MSI2: variants seen among roughly 807,000 people sequenced by gnomAD.
MSI2 encodes musashi RNA binding protein 2, also known as RNA-binding protein Musashi homolog 2.
Under a neutral mutation model 45.6 loss-of-function variants are expected in MSI2, and 17 were observed. The observed-to-expected ratio is 0.37, with a 90% confidence interval of 0.26 to 0.56. The LOEUF is 0.56. Among genes scored for constraint, MSI2 ranks in the 20% least tolerant of loss-of-function variants. The pLI is 0.77. For synonymous variants in MSI2, 156 were observed against 158.2 expected (o/e 0.99, Z 0.11); for missense variants, 293 against 444.2 (o/e 0.66, Z 3.06).
chr17:57,616,772 A>G (rs576938179), intron 9 of MSI2: 1 of 152,330 alleles, frequency 6.6e-6, no homozygotes, highest in African/African-American at 2.4e-5. Context: ...ATAATTGAAA[A>G]TCTTACCGCT....
chr17:57,389,119 C>T (rs1364200725), intron 5 of MSI2, among the ~76,000 whole-genome samples: 2 of 149,420 alleles, frequency 1.3e-5, no homozygotes, highest in African/African-American at 4.9e-5. Context: ...GCTGGGACCA[C>T]GGGCATGTGC....
intron 6 of MSI2, among the ~76,000 whole-genome samples, chr17:57,474,976 C>T (rs2085510602): frequency 6.6e-6 from 1 of 152,230 alleles, no homozygotes. Context: ...CCTGCCTCGG[C>T]ATCCCAAAGT....
rs115330343 is a variant in MSI2 at position 57,408,387 on chromosome 17, G to A, written c.405+6916G>A. Among the ~76,000 whole-genome samples, 365 of 152,354 alleles carry A rather than the reference G, an allele frequency of 2.4e-3. 3 individuals are homozygous for A. Among genetic ancestry groups the A allele is most frequent in the African/African-American group, 8.4e-3 (348 of 41,580 alleles). On this transcript the variant is annotated intron_variant, in intron 6 of 13. Coordinates refer to ENST00000284073, the MANE Select transcript of MSI2 (RefSeq NM_138962.4). ...AGCAAGCTGGGAAAACTTTGAGATT[G>A]TGCTAATCAAATGCCATGTGCATTT...
At chr17:57,697,297 T>A in the MSI2 span, among the ~76,000 whole-genome samples, 1 of 151,222 alleles carries the variant, frequency 6.6e-6, no homozygotes, top group Non-Finnish European at 1.5e-5. Context: ...CTCTACACAC[T>A]CACATGGACC....
chr17:57,299,456 C>G (rs1041165244), intron 5 of MSI2, among the ~76,000 whole-genome samples: 1 of 152,096 alleles, frequency 6.6e-6, no homozygotes, highest in Non-Finnish European at 1.5e-5. Flanking sequence ...CACGTGAACA[C>G]ATAGAGGCCA....
At chr17:57,324,891 G>A (rs1913654992) in intron 5 of MSI2, among the ~76,000 whole-genome samples, 1 of 152,206 alleles carries the variant, frequency 6.6e-6, no homozygotes, top group East Asian at 1.9e-4. Flanking sequence ...GCTGAACTTT[G>A]CCAACCTGCT....
At chr17:57,506,327 C>T (rs2143905830) in intron 6 of MSI2, among the ~76,000 whole-genome samples, 1 of 152,300 alleles carries the variant, frequency 6.6e-6, no homozygotes, top group South Asian at 2.1e-4. Context: ...GTCTAAAGGA[C>T]TCGGGGAAAA....
intron 5 of MSI2, among the ~76,000 whole-genome samples, chr17:57,309,289 C>G (rs1347007698): frequency 6.6e-6 from 1 of 152,104 alleles, no homozygotes; most frequent in Non-Finnish European, 1.5e-5. Flanking sequence ...TCTGTCTTAC[C>G]CATGAGCTGG....
rs138728146 is a variant in MSI2 at position 57,562,172 on chromosome 17, A to G, written c.454+32448A>G. Among the ~76,000 whole-genome samples, 779 of 152,234 alleles carry G rather than the reference A, an allele frequency of 5.1e-3. 4 individuals carry two copies. The highest frequency in any genetic ancestry group is 0.018 in the African/African-American group (729 of 41,530). On this transcript the variant is annotated intron_variant, in intron 7 of 13. Transcript: ENST00000284073. ...CCCGTTCATCCATCCATCCCCATCCATCTGCCCATCCATCCATCCTTATAT... is the reference window on the plus strand; with the variant it reads ...CCCGTTCATCCATCCATCCCCATCCGTCTGCCCATCCATCCATCCTTATAT...
intron 6 of MSI2, among the ~76,000 whole-genome samples, chr17:57,451,544 C>T (rs2085019468): frequency 6.6e-6 from 1 of 152,228 alleles, no homozygotes. Flanking sequence ...CAGTGAGACT[C>T]TCCATCCTTT....
At chr17:57,571,527 C>T (rs181821310) in intron 7 of MSI2, among the ~76,000 whole-genome samples, 3 of 152,312 alleles carry the variant, frequency 2.0e-5, no homozygotes, top group East Asian at 1.9e-4. Context: ...TGAATATTCT[C>T]CTCTGGTTCT....
chr17:57,339,009 G>C (rs147006861), intron 5 of MSI2, among the ~76,000 whole-genome samples: 1 of 152,230 alleles, frequency 6.6e-6, no homozygotes, highest in African/African-American at 2.4e-5. Flanking sequence ...TAAAGAAGTG[G>C]TGGGGGAGAG....
intron 6 of MSI2, among the ~76,000 whole-genome samples, chr17:57,504,930 TA>T (rs113984172): frequency 0.095 from 12,899 of 136,162 alleles, 708 homozygotes; most frequent in South Asian, 0.29. Flanking sequence ...AAACTCCATT[TA>T]AAAAAAAAAA....
At chr17:57,266,475 C>G (rs1166620278) in intron 5 of MSI2, 1 of 152,232 alleles carries the variant, frequency 6.6e-6, no homozygotes, top group Non-Finnish European at 1.5e-5. Flanking sequence ...AATTCTCCCG[C>G]CTCAGCCTCC....
At chr17:57,639,961 G>C (rs1910127175) in intron 10 of MSI2, among the ~76,000 whole-genome samples, 1 of 152,190 alleles carries the variant, frequency 6.6e-6, no homozygotes, top group Non-Finnish European at 1.5e-5. Flanking sequence ...TGCCCTAGAT[G>C]CGGGGGACAC....
chr17:57,544,923 A>T (rs777969802), intron 7 of MSI2, among the ~76,000 whole-genome samples: 1 of 152,186 alleles, frequency 6.6e-6, no homozygotes, highest in African/African-American at 2.4e-5. Context: ...ACTATGCCTC[A>T]TACTACACTC....
intron 6 of MSI2, among the ~76,000 whole-genome samples, chr17:57,484,724 G>A (rs531058313): frequency 6.6e-6 from 1 of 152,228 alleles, no homozygotes; most frequent in East Asian, 1.9e-4. Flanking sequence ...GGTAGTTCCA[G>A]CTTCTCCAGC....
intron 7 of MSI2, among the ~76,000 whole-genome samples, chr17:57,572,982 G>A (rs923026951): frequency 1.3e-5 from 2 of 152,218 alleles, no homozygotes; most frequent in Non-Finnish European, 2.9e-5. Context: ...GGACGTGCCC[G>A]ACAACTCCGT....
At chr17:57,546,175 G>A (rs985857855) in intron 7 of MSI2, among the ~76,000 whole-genome samples, 34 of 152,250 alleles carry the variant, frequency 2.2e-4, no homozygotes, top group African/African-American at 7.5e-4. Context: ...CTTTTGAGCC[G>A]AGACTGGAGA....
Sources: allele counts gnomAD v4.1 joint callset (sites outside exome capture counted in the v4.1 genomes callset), GRCh38; gene constraint gnomAD v4.1.1; transcripts MANE v1.5; gene names NCBI Gene and HGNC (gene_info 2026-07-23, HGNC 2026-07-21).